Variants in SRGAP2C observed in about 807,000 individuals in gnomAD.
SRGAP2C encodes SLIT-ROBO Rho GTPase activating protein 2C, also known as SLIT-ROBO Rho GTPase-activating protein 2C.
In SRGAP2C, 15 loss-of-function variants were observed where a neutral mutation model predicts 25.1. The ratio of observed to expected loss-of-function variants is 0.60; its 90% CI spans 0.40 to 0.92. The LOEUF is 0.92. Among genes scored for constraint, SRGAP2C ranks in the 40% least tolerant of loss-of-function variants. The pLI, the probability that SRGAP2C is intolerant of heterozygous loss-of-function variation, is 0.00. For missense variants in SRGAP2C, 144 were observed against 264.4 expected (o/e 0.54, Z 3.16); for synonymous variants, 44 against 96.6 (o/e 0.46, Z 3.19).
At chr1:121,213,137 C>T (rs1655309285) in intron 2 of SRGAP2C, among the ~76,000 whole-genome samples, 1 of 140,644 alleles carries the variant, frequency 7.1e-6, no homozygotes, top group Non-Finnish European at 1.6e-5. Flanking sequence ...CCTCTGCCTC[C>T]CAGGTTCAAA....
intron 3 of SRGAP2C, among the ~76,000 whole-genome samples, chr1:121,304,067 C>T (rs1452163692): frequency 4.0e-5 from 6 of 151,690 alleles, no homozygotes; most frequent in Admixed American, 2.6e-4. Flanking sequence ...AAAAATTAGC[C>T]GGGCATGGTG....
intron 2 of SRGAP2C, among the ~76,000 whole-genome samples, chr1:121,208,948 T>C (rs1655183965): frequency 7.0e-6 from 1 of 143,564 alleles, no homozygotes; most frequent in Non-Finnish European, 1.5e-5. Flanking sequence ...TTGCAGCTGC[T>C]GCTGCCCTGG....
intron 2 of SRGAP2C, among the ~76,000 whole-genome samples, chr1:121,273,936 G>T (rs1657040093): frequency 6.6e-6 from 1 of 151,524 alleles, no homozygotes; most frequent in Admixed American, 6.6e-5. Flanking sequence ...ACATATGAAG[G>T]CCCAGGAACA....
At chr1:121,236,687 C>A (rs1655968808) in intron 2 of SRGAP2C, among the ~76,000 whole-genome samples, 1 of 151,282 alleles carries the variant, frequency 6.6e-6, no homozygotes. Flanking sequence ...ATCTTATTGG[C>A]CTGTCTCGTC....
intron 2 of SRGAP2C, among the ~76,000 whole-genome samples, chr1:121,211,216 C>T (rs587738208): frequency 6.6e-6 from 1 of 151,374 alleles, no homozygotes; most frequent in South Asian, 2.1e-4. Context: ...GTCTTTTCTT[C>T]TTTCAGGATT....
chr1:121,303,980 C>T (rs1469551891), intron 3 of SRGAP2C, among the ~76,000 whole-genome samples: 42 of 145,634 alleles, frequency 2.9e-4, no homozygotes, highest in East Asian at 1.2e-3. Flanking sequence ...CGAGGCGGGC[C>T]GATCATGAGG....
chr1:121,218,946 C>G (rs1553325241), intron 2 of SRGAP2C, among the ~76,000 whole-genome samples: 1 of 152,002 alleles, frequency 6.6e-6, no homozygotes, highest in Non-Finnish European at 1.5e-5. Context: ...GGGCAGAATT[C>G]TTCCAGATTT....
chr1:121,316,714 C>T, intron 3 of SRGAP2C, among the ~76,000 whole-genome samples: 1 of 85,496 alleles, frequency 1.2e-5, no homozygotes, highest in South Asian at 4.5e-4. Flanking sequence ...TTTACCCTTG[C>T]TATGGTGTTT....
At chr1:121,339,396 C>T (rs1386049249) in intron 4 of SRGAP2C, among the ~76,000 whole-genome samples, 38 of 151,306 alleles carry the variant, frequency 2.5e-4, no homozygotes, top group Middle Eastern at 6.8e-3. Flanking sequence ...GGATTACAGG[C>T]GTGGGCTACC....
At chr1:121,368,739 CT>C (rs1659410292) in intron 5 of SRGAP2C, among the ~76,000 whole-genome samples, 1 of 98,812 alleles carries the variant, frequency 1.0e-5, no homozygotes, top group Non-Finnish European at 2.0e-5. Context: ...TTAGAAGGAG[CT>C]TTCCCATTAT....
rs1654457454 is a variant in SRGAP2C at position 121,185,006 on chromosome 1, G to C, written c.-661G>C. 1 of 510,136 alleles carries C rather than the reference G, an allele frequency of 2.0e-6. No individual in the cohort carries two copies. The highest frequency in any genetic ancestry group is 3.2e-5 in the South Asian group (1 of 31,348). 31.6% of individuals were successfully genotyped at this position (510,136 alleles called of 1,614,324 possible). Reference sequence around the variant, plus strand: ...CTGCGGAGTTGGCGGAGGCGGCGGAGGCTCCTCCAGGGACTGGGGCACCGA... The same window carrying C: ...CTGCGGAGTTGGCGGAGGCGGCGGACGCTCCTCCAGGGACTGGGGCACCGA... On this transcript the variant is annotated 5_prime_UTR_variant, in exon 1 of 10. Transcript: ENST00000367123.
At chr1:121,315,447 A>C (rs1448156857) in intron 3 of SRGAP2C, among the ~76,000 whole-genome samples, 1 of 149,348 alleles carries the variant, frequency 6.7e-6, no homozygotes, top group African/African-American at 2.5e-5. Flanking sequence ...CGCTTTCCAC[A>C]GAGTGTAGAT....
At chr1:121,198,985 C>A (rs2101386614) in intron 2 of SRGAP2C, among the ~76,000 whole-genome samples, 1 of 152,244 alleles carries the variant, frequency 6.6e-6, no homozygotes, top group East Asian at 1.9e-4. Flanking sequence ...CCTATAAAAT[C>A]CCTGTAAGAT....
chr1:121,320,804 T>C (rs1416917096), intron 3 of SRGAP2C, among the ~76,000 whole-genome samples: 36 of 152,106 alleles, frequency 2.4e-4, no homozygotes, highest in Non-Finnish European at 4.9e-4. Flanking sequence ...TAAATATTAA[T>C]TGGATAAGCC....
chr1:121,295,886 C>T lies in SRGAP2C; in HGVS notation c.260+10891C>T, dbSNP rs1488776334. Reference sequence around the variant, plus strand: ...AAGCTATTCTCCTGCCTCAGCCTCCCGAGTAGCTGGGATTACAGGCATGCG... The same window carrying T: ...AAGCTATTCTCCTGCCTCAGCCTCCTGAGTAGCTGGGATTACAGGCATGCG... On this transcript the variant is annotated intron_variant, in intron 3 of 9. Transcript: ENST00000367123. Among the ~76,000 whole-genome samples, 19 of 152,176 alleles carry T rather than the reference C, an allele frequency of 1.2e-4. No homozygotes were observed. The East Asian group carries it at 2.3e-3, about 19-fold the overall frequency.
At chr1:121,275,020 C>A (rs1294018090) in intron 2 of SRGAP2C, among the ~76,000 whole-genome samples, 1 of 150,330 alleles carries the variant, frequency 6.7e-6, no homozygotes, top group African/African-American at 2.4e-5. Flanking sequence ...CATCTGTCAT[C>A]CCCCTCGCTT....
intron 2 of SRGAP2C, among the ~76,000 whole-genome samples, chr1:121,213,068 CAG>C (rs1274889060): frequency 6.9e-6 from 1 of 144,154 alleles, no homozygotes; most frequent in African/African-American, 2.6e-5. Context: ...TTTTTTTAGA[CAG>C]TGTCTTGTTC....
rs1204730065 is a variant in SRGAP2C, at chr1:121,347,042, A to T, written c.424-18251A>T. Among the ~76,000 whole-genome samples, 3 of 150,624 alleles carry T rather than the reference A, an allele frequency of 2.0e-5. No individual in the cohort carries two copies. The East Asian group carries it at 5.9e-4, about 30-fold the overall frequency. ...AGCAGTGATGCCCTCTTTGGGAGCT[A>T]CCACAGCATAGGAAATGAACATTAG... On this transcript the variant is annotated intron_variant, in intron 4 of 9. Transcript: ENST00000367123.
At chr1:121,270,484 C>A (rs1553335106) in intron 2 of SRGAP2C, among the ~76,000 whole-genome samples, 9 of 126,794 alleles carry the variant, frequency 7.1e-5, no homozygotes, top group Non-Finnish European at 8.2e-5. Flanking sequence ...AGATTTAGTT[C>A]TCTGGATATT....
Sources: gnomAD v4.1 joint callset for allele counts (sites outside exome capture counted in the v4.1 genomes callset) on GRCh38, gnomAD v4.1.1 for gene constraint, MANE v1.5 for transcripts, NCBI Gene and HGNC (gene_info 2026-07-23, HGNC 2026-07-21) for gene names.